The following QPRT variants were observed in gnomAD, a reference collection of about 807,000 sequenced individuals.
QPRT encodes nicotinate-nucleotide pyrophosphorylase [carboxylating].
In QPRT, 17 loss-of-function variants were observed where a neutral mutation model predicts 19.8. That is an observed-to-expected ratio of 0.86 (90% CI 0.59 to 1.29). The LOEUF is 1.29. Among genes scored for constraint, QPRT ranks in the 50% most tolerant of loss-of-function variants. QPRT has a pLI of 0.00. For missense variants in QPRT, 336 were observed against 405.1 expected, an observed-to-expected ratio of 0.83 and a Z score of 1.46; for synonymous variants, 178 against 191.0, an observed-to-expected ratio of 0.93 and a Z score of 0.56.
At position 29,698,422 on chromosome 16, in the gene QPRT, CAATAAT is replaced by C. The variant is rs957549505; in HGVS notation, c.*1019_*1024del. 6 of 152,144 alleles carry C rather than the reference CAATAAT, an allele frequency of 3.9e-5. No homozygotes were observed. Among genetic ancestry groups the C allele is most frequent in the Non-Finnish European group, 7.4e-5 (5 of 68,016 alleles). The allele number at this position is 152,144 out of a possible 1,614,324, so 9.4% of individuals were successfully genotyped here. On this transcript the variant is annotated 3_prime_UTR_variant, in exon 4 of 4. Coordinates refer to ENST00000395384, the MANE Select transcript of QPRT (RefSeq NM_014298.6). ...GGCCCTGGTAGTTAAAAAAAAGTAACAATAATAATAATATCAACCCCTGACCTAAAC... is the reference window on the plus strand; with the variant it reads ...GGCCCTGGTAGTTAAAAAAAAGTAACAATAATATCAACCCCTGACCTAAAC...
In QPRT at chr16:29,694,785, G is replaced by T. The variant is rs533170094; in HGVS notation, c.135G>T (p.Ala45=). The T allele has an allele frequency of 5.1e-5, 82 of 1,613,944 alleles. 3 individuals are homozygous for T. In the South Asian group the frequency reaches 8.7e-4, roughly 17 times the overall value. Reference sequence around the variant, plus strand: ...GCGGGGCAGGCCCCTCGCAGGCGGCGCTGTGGGCCAAATCCCCTGGGGTAC... The same window carrying T: ...GCGGGGCAGGCCCCTCGCAGGCGGCTCTGTGGGCCAAATCCCCTGGGGTAC... ...LVSGAGPSQA[A]LWAKSPGVLA... is the part of the protein sequence containing the mutation. The change falls in exon 2 of 4, where the codon GCG becomes GCT. Residue 45 remains alanine (A), a synonymous_variant. Coordinates refer to ENST00000395384, the MANE Select transcript of QPRT (RefSeq NM_014298.6).
chr16:29,692,040 C>T (rs1022853899), intron 1 of QPRT, among the ~76,000 whole-genome samples: 1 of 152,168 alleles, frequency 6.6e-6, no homozygotes, highest in Non-Finnish European at 1.5e-5. Flanking sequence ...CGTGTGTGCG[C>T]GCTAAATCAA....
chr16:29,683,078 G>A (rs923978649), intron 1 of QPRT, among the ~76,000 whole-genome samples: 2 of 147,884 alleles, frequency 1.4e-5, no homozygotes, highest in Admixed American at 6.8e-5. Flanking sequence ...AGGCTGGAGT[G>A]CAGTGGCGCA....
rs1223074051 is a variant in QPRT at position 29,698,569 on chromosome 16, T to TGACCCTTTCACGTG, written c.*1164_*1177dup. On this transcript the variant is annotated 3_prime_UTR_variant, in exon 4 of 4. Coordinates refer to ENST00000395384, the MANE Select transcript of QPRT (RefSeq NM_014298.6). ...CGTTCCCCGCTTGCTTGAGATATCATGACCCTTTCACGTGGACCCCTTAGA... is the reference window on the plus strand; with the variant it reads ...CGTTCCCCGCTTGCTTGAGATATCATGACCCTTTCACGTGGACCCTTTCACGTGGACCCCTTAGA... The TGACCCTTTCACGTG allele has an allele frequency of 6.5e-6, 1 of 152,786 alleles. No individual in the cohort carries two copies. The highest frequency in any genetic ancestry group is 6.5e-5 in the Admixed American group (1 of 15,268). The allele number at this position is 152,786 out of a possible 1,614,324, so 9.5% of individuals were successfully genotyped here.
rs1567334374 is a variant in QPRT at position 29,697,927 on chromosome 16, AG to A, written c.*517del. Reference sequence around the variant, plus strand: ...CTTGAACCCAGGAAGTGGAGGTTGCAGTGAGCTGATGGTGCCACTGCACTCC... The same window carrying A: ...CTTGAACCCAGGAAGTGGAGGTTGCATGAGCTGATGGTGCCACTGCACTCC... On this transcript the variant is annotated 3_prime_UTR_variant, in exon 4 of 4. Coordinates refer to ENST00000395384, the MANE Select transcript of QPRT (RefSeq NM_014298.6). This position sits in a 1 kb window ranked among gnomAD's most constrained non-coding sequence, Gnocchi z 4.4. 1 of 149,582 alleles carries A rather than the reference AG, an allele frequency of 6.7e-6. No homozygotes were observed. The highest frequency in any genetic ancestry group is 6.7e-5 in the Admixed American group (1 of 14,944). 9.3% of individuals were successfully genotyped at this position (149,582 alleles called of 1,614,324 possible).
rs1363903066 is a variant in QPRT at position 29,696,847 on chromosome 16, A to C, written c.550-149A>C. The C allele has an allele frequency of 3.3e-6, 3 of 906,384 alleles. No individual in the cohort carries two copies. In the African/African-American group the frequency reaches 5.1e-5, roughly 15 times the overall value. The allele number at this position is 906,384 out of a possible 1,614,324, so 56.1% of individuals were successfully genotyped here. A position where few individuals can be genotyped will look rare whatever the true frequency, so the allele number is the denominator to read the frequency against. Reference sequence around the variant, plus strand: ...CTTATTAACCCCAAGTTCATGGTCCACCCGAAGCTTTTCAAATGTCAGTCC... The same window carrying C: ...CTTATTAACCCCAAGTTCATGGTCCCCCCGAAGCTTTTCAAATGTCAGTCC... On this transcript the variant is annotated intron_variant, in intron 2 of 3. Coordinates refer to ENST00000395384, the MANE Select transcript of QPRT (RefSeq NM_014298.6).
chr16:29,679,267 T>C, intron 1 of QPRT, 57 bp downstream of exon 1: 3 of 1,369,172 alleles, frequency 2.2e-6, no homozygotes, highest in African/African-American at 1.4e-5. Flanking sequence ...TGCCTACCCC[T>C]GCCCCCACCC....
chr16:29,694,609 C>A, intron 1 of QPRT, 55 bp from the exon 2 acceptor site: 1 of 1,488,392 alleles, frequency 6.7e-7, no homozygotes, highest in Non-Finnish European at 9.0e-7. Flanking sequence ...TTGACAGTGA[C>A]CCCTGACAGC....
chr16:29,684,223 C>T (rs1037577798), intron 1 of QPRT, among the ~76,000 whole-genome samples: 4 of 151,976 alleles, frequency 2.6e-5, no homozygotes, highest in South Asian at 4.1e-4. Flanking sequence ...GGACTCAAGC[C>T]GCAGCCTCCC....
intron 1 of QPRT, among the ~76,000 whole-genome samples, chr16:29,689,767 C>G (rs897875382): frequency 6.6e-6 from 1 of 152,078 alleles, no homozygotes; most frequent in Non-Finnish European, 1.5e-5. Flanking sequence ...TGAAACCTCC[C>G]GTTAGGTTCT....
At chr16:29,679,063 T>A, upstream of QPRT, 1 of 1,523,420 alleles carries the variant, frequency 6.6e-7, no homozygotes, top group Non-Finnish European at 9.1e-7. Context: ...GGAGGGAGGC[T>A]TGGGGAGCCT....
chr16:29,682,746 A>G (rs1266170047), intron 1 of QPRT, among the ~76,000 whole-genome samples: 1 of 152,088 alleles, frequency 6.6e-6, no homozygotes, highest in Non-Finnish European at 1.5e-5. Context: ...CTATTGTCAA[A>G]ACTAAACTTT....
At chr16:29,695,635 G>A (rs1003453651) in intron 2 of QPRT, among the ~76,000 whole-genome samples, 2 of 151,316 alleles carry the variant, frequency 1.3e-5, no homozygotes, top group East Asian at 1.9e-4. Flanking sequence ...GATTACAGGC[G>A]CCAGCCACCA....
At chr16:29,689,801 C>T (rs1967272753) in intron 1 of QPRT, among the ~76,000 whole-genome samples, 2 of 152,150 alleles carry the variant, frequency 1.3e-5, no homozygotes, top group Admixed American at 6.6e-5. Context: ...CACCGGTGCT[C>T]GCAGCCCCTG....
chr16:29,689,750 G>A (rs945604159), intron 1 of QPRT, among the ~76,000 whole-genome samples: 1 of 152,034 alleles, frequency 6.6e-6, no homozygotes, highest in African/African-American at 2.4e-5. Context: ...TGTATGGAAG[G>A]ACATTGTGAA....
intron 2 of QPRT, 37 bp from the exon 3 acceptor site, chr16:29,696,958 GC>G (rs1325498331): frequency 6.4e-7 from 1 of 1,558,278 alleles, no homozygotes; most frequent in Non-Finnish European, 8.7e-7. Context: ...CAGGTGCTGG[GC>G]CCAGTCCTCA....
chr16:29,686,440 C>T (rs1238820676), intron 1 of QPRT, among the ~76,000 whole-genome samples: 2 of 152,198 alleles, frequency 1.3e-5, no homozygotes, highest in Middle Eastern at 3.2e-3. Context: ...TTCTTTTCTT[C>T]GCGAGCACGC....
At chr16:29,688,788 T>G (rs1224972299) in intron 1 of QPRT, among the ~76,000 whole-genome samples, 2 of 151,342 alleles carry the variant, frequency 1.3e-5, no homozygotes, top group Non-Finnish European at 2.9e-5. Flanking sequence ...TTCTCTTTTT[T>G]TTTTTTTTTG....
At chr16:29,692,565 CAAA>C (rs59259546) in intron 1 of QPRT, among the ~76,000 whole-genome samples, 1 of 111,472 alleles carries the variant, frequency 9.0e-6, no homozygotes. Context: ...AGACTATCTC[CAAA>C]AAAAAAAAAA....
Sources: allele counts gnomAD v4.1 joint callset (sites outside exome capture counted in the v4.1 genomes callset), GRCh38; gene constraint gnomAD v4.1.1; non-coding constraint Gnocchi (gnomAD v3.1); transcripts MANE v1.5; gene names NCBI Gene and HGNC (gene_info 2026-07-23, HGNC 2026-07-21).